EXOC2: variants seen among roughly 807,000 people sequenced by gnomAD.
EXOC2 encodes SEC5-like 1.
EXOC2 carries 70 observed loss-of-function variants against 131.8 expected under a neutral mutation model. The ratio of observed to expected loss-of-function variants is 0.53; its 90% CI spans 0.44 to 0.65. The LOEUF (loss-of-function observed/expected upper bound fraction) is 0.65, where lower values mean the gene tolerates loss of function less well. Ranked by LOEUF, EXOC2 falls within the 30% of genes least tolerant of loss-of-function variation. The pLI, the probability that EXOC2 is intolerant of heterozygous loss-of-function variation, is 0.00. For missense variants in EXOC2, 923 were observed against 1,108.6 expected (o/e 0.83, Z 2.38); for synonymous variants, 411 against 398.4 (o/e 1.03, Z -0.38).
chr6:592,734 C>G (rs1480420429), intron 10 of EXOC2, 147 bp from the exon 11 acceptor site: 1 of 613,884 alleles, frequency 1.6e-6, no homozygotes, highest in East Asian at 2.9e-5. Context: ...GAAATATATT[C>G]AAATTTCTTG....
intron 1 of EXOC2, among the ~76,000 whole-genome samples, chr6:688,271 A>G (rs1463816160): frequency 2.6e-5 from 4 of 152,210 alleles, no homozygotes; most frequent in Non-Finnish European, 5.9e-5. Flanking sequence ...AAATTCTGGA[A>G]GATTCCTTGA....
intron 13 of EXOC2, among the ~76,000 whole-genome samples, chr6:572,293 A>G (rs542205441): frequency 2.7e-4 from 41 of 152,266 alleles, no homozygotes; most frequent in Non-Finnish European, 5.4e-4. Flanking sequence ...CCACCTTTTG[A>G]GACAGGTGCC....
At position 592,259 on chromosome 6, in the gene EXOC2, C is replaced by T. The variant is rs568594209; in HGVS notation, c.1192+210G>A. On this transcript the variant is annotated intron_variant, in intron 11 of 27. Transcript: ENST00000230449. ...TGCCCCGAAACGTCAACGCTGTCCA[C>T]CAATCGCAAAAACAGACATGATAAA... 3.3e-5 allele frequency among the ~76,000 whole-genome samples: 5 copies of T among 152,116 alleles called. No individual in the cohort carries two copies. In the South Asian group the frequency reaches 1.0e-3, roughly 32 times the overall value.
In EXOC2 at chr6:658,233, A is replaced by G. The variant is rs116746812; in HGVS notation, c.-43-20372T>C. 6.3e-4 allele frequency among the ~76,000 whole-genome samples: 96 copies of G among 152,238 alleles called. 1 individual carries two copies. Among genetic ancestry groups the G allele is most frequent in the Non-Finnish European group, 1.2e-3 (84 of 68,016 alleles). The stretch of plus-strand genomic sequence containing the variant: ...GCTTGAATGTTTCCTGGCCCTCTCT[A>G]TATTTTCTCCCACTGCCCTATCTTG... On this transcript the variant is annotated intron_variant, in intron 1 of 27. Coordinates refer to ENST00000230449, the MANE Select transcript of EXOC2 (RefSeq NM_018303.6).
At chr6:584,535 A>C (rs571345840) in intron 11 of EXOC2, among the ~76,000 whole-genome samples, 3 of 152,288 alleles carry the variant, frequency 2.0e-5, no homozygotes, top group African/African-American at 7.2e-5. Flanking sequence ...TGAGTGTCAG[A>C]AATTATTAAA....
Position 687,547 on chromosome 6 carries a change from T to A in EXOC2, c.-44+5472A>T, listed in dbSNP as rs76210837. On this transcript the variant is annotated intron_variant, in intron 1 of 27. Coordinates refer to ENST00000230449, the MANE Select transcript of EXOC2 (RefSeq NM_018303.6). ...AGATGATTTGCGATACAATGACTAG[T>A]CACCCAGATCCTCAAAAGATGACAG... 5.0e-3 allele frequency among the ~76,000 whole-genome samples: 761 copies of A among 152,242 alleles called. 3 individuals are homozygous for A. The highest frequency in any genetic ancestry group is 0.017 in the African/African-American group (711 of 41,534).
intron 7 of EXOC2, among the ~76,000 whole-genome samples, chr6:599,782 G>A (rs1034412962): frequency 4.0e-5 from 6 of 151,806 alleles, no homozygotes; most frequent in African/African-American, 1.5e-4. Context: ...TGACAAATGT[G>A]AAGGCAGCAT....
At chr6:564,728 C>T (rs773847382) in intron 14 of EXOC2, 26 bp from the exon 15 acceptor site, 7 of 1,583,956 alleles carry the variant, frequency 4.4e-6, no homozygotes, top group South Asian at 1.2e-5. Flanking sequence ...CAAGCATAAC[C>T]GTGTTCAAAT....
chr6:502,554 C>A (rs971719899), intron 23 of EXOC2, among the ~76,000 whole-genome samples: 1 of 151,936 alleles, frequency 6.6e-6, no homozygotes, highest in African/African-American at 2.4e-5. Context: ...ATAAGACACC[C>A]CGTAAAAGAG....
Position 486,581 on chromosome 6 carries a change from G to GT in EXOC2, c.*89dup, listed in dbSNP as rs1763063054. Reference sequence around the variant, plus strand: ...AAAAGAGAAAAATGGCAAACCCAATGTTTAATACACCAAATACCTTTAGGG... The same window carrying GT: ...AAAAGAGAAAAATGGCAAACCCAATGTTTTAATACACCAAATACCTTTAGGG... On this transcript the variant is annotated 3_prime_UTR_variant, in exon 28 of 28. Transcript: ENST00000230449. 1 of 1,203,294 alleles carries GT rather than the reference G, an allele frequency of 8.3e-7. No homozygotes were observed. The highest frequency in any genetic ancestry group is 1.2e-6 in the Non-Finnish European group (1 of 834,592). 74.5% of individuals were successfully genotyped at this position (1,203,294 alleles called of 1,614,324 possible).
At chr6:592,931 G>A (rs1158786076) in intron 10 of EXOC2, among the ~76,000 whole-genome samples, 1 of 152,144 alleles carries the variant, frequency 6.6e-6, no homozygotes, top group Non-Finnish European at 1.5e-5. Context: ...TCGGGCGGCT[G>A]AGGCAGGAGA....
intron 1 of EXOC2, chr6:657,240 T>G: frequency 3.4e-6 from 1 of 294,346 alleles, no homozygotes. Flanking sequence ...CTGCTGAAAC[T>G]TCTTAGTATT....
chr6:628,957 C>T (rs543816104), intron 4 of EXOC2, among the ~76,000 whole-genome samples: 1 of 152,294 alleles, frequency 6.6e-6, no homozygotes, highest in East Asian at 1.9e-4. Context: ...AAGCCCCAGA[C>T]TTTTTCAACA....
intron 23 of EXOC2, among the ~76,000 whole-genome samples, chr6:518,294 G>C (rs1481494143): frequency 1.3e-5 from 2 of 152,184 alleles, no homozygotes; most frequent in African/African-American, 2.4e-5. Context: ...GACAAGACTG[G>C]CTGTGAGATG....
At chr6:543,785 A>G (rs1756686309) in intron 22 of EXOC2, among the ~76,000 whole-genome samples, 1 of 152,244 alleles carries the variant, frequency 6.6e-6, no homozygotes, top group African/African-American at 2.4e-5. Flanking sequence ...CAGGGAACAC[A>G]TAAAAGAGAA....
At chr6:588,806 T>C (rs1759361387) in intron 11 of EXOC2, among the ~76,000 whole-genome samples, 1 of 152,126 alleles carries the variant, frequency 6.6e-6, no homozygotes, top group South Asian at 2.1e-4. Context: ...CTGTCACCTT[T>C]TTTTTTTCCA....
At chr6:540,700 A>G (rs997272455) in intron 22 of EXOC2, among the ~76,000 whole-genome samples, 6 of 152,212 alleles carry the variant, frequency 3.9e-5, no homozygotes, top group African/African-American at 1.4e-4. Flanking sequence ...ACATACACCC[A>G]ATAGGAGATC....
chr6:517,331 C>T (rs2127516258), intron 23 of EXOC2, among the ~76,000 whole-genome samples: 1 of 152,020 alleles, frequency 6.6e-6, no homozygotes, highest in East Asian at 1.9e-4. Context: ...ACAAAGAGGG[C>T]ACAACTAAAT....
At position 531,489 on chromosome 6, in the gene EXOC2, G is replaced by A. The variant is rs1288026923; in HGVS notation, c.2380+980C>T. Among the ~76,000 whole-genome samples the A allele has an allele frequency of 4.9e-5, 7 of 143,446 alleles. No individual in the cohort carries two copies. In the East Asian group the frequency reaches 1.4e-3, roughly 29 times the overall value. The allele number at this position is 143,446 out of a possible 152,430, so 94.1% of individuals were successfully genotyped here. ...TGTGAGCTCAGGAAATTCAATAACT[G>A]TGGTCACATTAAGTAACTGTGGCTA... On this transcript the variant is annotated intron_variant, in intron 23 of 27. Coordinates refer to ENST00000230449, the MANE Select transcript of EXOC2 (RefSeq NM_018303.6).
Sources: gnomAD v4.1 joint callset for allele counts (sites outside exome capture counted in the v4.1 genomes callset) on GRCh38, gnomAD v4.1.1 for gene constraint, MANE v1.5 for transcripts, NCBI Gene and HGNC (gene_info 2026-07-23, HGNC 2026-07-21) for gene names.